Variants in SLIT2 observed in about 807,000 individuals in gnomAD.
The protein encoded by SLIT2 is slit homolog 2 protein.
In SLIT2, 41 loss-of-function variants were observed where a neutral mutation model predicts 185.7. The ratio of observed to expected loss-of-function variants is 0.22; its 90% CI spans 0.17 to 0.29. The LOEUF is 0.29. Among genes scored for constraint, SLIT2 ranks in the 10% least tolerant of loss-of-function variants. The pLI is 1.00. For synonymous variants in SLIT2, 693 were observed against 680.2 expected, an observed-to-expected ratio of 1.02 and a Z score of -0.29; for missense variants, 1,571 against 1,909.0, an observed-to-expected ratio of 0.82 and a Z score of 3.30.
chr4:20,552,226 T>C (rs1435359512), intron 25 of SLIT2, among the ~76,000 whole-genome samples: 1 of 152,154 alleles, frequency 6.6e-6, no homozygotes, highest in Non-Finnish European at 1.5e-5. Flanking sequence ...AGTGTTATGG[T>C]CAGGCATCAG....
In SLIT2 at chr4:20,481,491, A is replaced by AT. The variant is rs559739129; in HGVS notation, c.539+710dup. On this transcript the variant is annotated intron_variant, in intron 6 of 36. Transcript: ENST00000504154. ...TATATGCCGCCTATACATTTTTCGA[A>AT]TTTTTTCAGCCAAAATTCACATTTG... Among the ~76,000 whole-genome samples the AT allele has an allele frequency of 1.4e-3, 218 of 152,144 alleles. 2 individuals are homozygous for AT. Among genetic ancestry groups the AT allele is most frequent in the African/African-American group, 5.1e-3 (212 of 41,522 alleles).
intron 33 of SLIT2, among the ~76,000 whole-genome samples, chr4:20,608,862 G>A (rs2148977693): frequency 6.6e-6 from 1 of 152,216 alleles, no homozygotes; most frequent in South Asian, 2.1e-4. Flanking sequence ...TCACATTTAG[G>A]AATAATCTAT....
At chr4:20,454,520 A>AT (rs1410522964) in intron 4 of SLIT2, among the ~76,000 whole-genome samples, 3 of 152,188 alleles carry the variant, frequency 2.0e-5, no homozygotes, top group African/African-American at 7.2e-5. Flanking sequence ...GCAAATACTC[A>AT]TTTATCATTA....
chr4:20,426,840 C>A (rs547499373), intron 4 of SLIT2, among the ~76,000 whole-genome samples: 2 of 152,226 alleles, frequency 1.3e-5, no homozygotes, highest in Non-Finnish European at 2.9e-5. Flanking sequence ...CCCAAAACAA[C>A]TGTCTGGGGA....
intron 9 of SLIT2, among the ~76,000 whole-genome samples, chr4:20,500,911 C>T (rs1352062676): frequency 2.6e-5 from 4 of 152,092 alleles, no homozygotes; most frequent in Admixed American, 6.5e-5. Context: ...CTATCAAATA[C>T]AACTTGCCTA....
intron 4 of SLIT2, among the ~76,000 whole-genome samples, chr4:20,330,793 A>G (rs1719997957): frequency 6.6e-6 from 1 of 152,040 alleles, no homozygotes; most frequent in African/African-American, 2.4e-5. Flanking sequence ...TTAGAATTTA[A>G]GTGTCAAGTC....
rs138770037 is a variant in SLIT2, at chr4:20,338,029, C to T, written c.395+69148C>T. Among the ~76,000 whole-genome samples the T allele has an allele frequency of 9.2e-5, 14 of 152,234 alleles. No individual in the cohort carries two copies. In the East Asian group the frequency reaches 2.3e-3, roughly 25 times the overall value. ...GGAAGGAAACCTGAAAAATGTCACT[C>T]ATTTGAAAAGGGATGTTCATTTTTG... On this transcript the variant is annotated intron_variant, in intron 4 of 36. Coordinates refer to ENST00000504154, the MANE Select transcript of SLIT2 (RefSeq NM_004787.4).
chr4:20,480,691 T>C (rs754772778), intron 5 of SLIT2, 25 bp from the exon 6 acceptor site: 6 of 1,582,974 alleles, frequency 3.8e-6, no homozygotes, highest in Middle Eastern at 3.3e-4. Flanking sequence ...CCCTTCTACA[T>C]ATATTCTTCT....
intron 4 of SLIT2, among the ~76,000 whole-genome samples, chr4:20,426,073 G>A (rs1488430266): frequency 6.6e-6 from 1 of 152,148 alleles, no homozygotes; most frequent in Non-Finnish European, 1.5e-5. Flanking sequence ...CTTATAGACT[G>A]TGAGCTTCTT....
chr4:20,598,472 A>G lies in SLIT2; in HGVS notation c.3692+77A>G. 3 of 1,532,594 alleles carry G rather than the reference A, an allele frequency of 2.0e-6. No individual in the cohort carries two copies. The South Asian group carries it at 3.5e-5, about 18-fold the overall frequency. 94.9% of individuals were successfully genotyped at this position (1,532,594 alleles called of 1,614,324 possible). A position where few individuals can be genotyped will look rare whatever the true frequency, so the allele number is the denominator to read the frequency against. On this transcript the variant is annotated intron_variant, in intron 33 of 36. Coordinates refer to ENST00000504154, the MANE Select transcript of SLIT2 (RefSeq NM_004787.4). ...ACTGCTTCTCCTCTATCATTTTATT[A>G]TGGAGAGGAGAGAGACTAAGTTGGC... is the stretch of plus-strand genomic sequence containing the variant.
At chr4:20,563,102 A>T (rs562897150) in intron 26 of SLIT2, among the ~76,000 whole-genome samples, 49 of 151,862 alleles carry the variant, frequency 3.2e-4, no homozygotes, top group African/African-American at 1.0e-3. Flanking sequence ...TTAAAGATTA[A>T]AGTAACTGAC....
chr4:20,531,128 A>G (rs187300496), intron 16 of SLIT2, among the ~76,000 whole-genome samples: 17 of 152,284 alleles, frequency 1.1e-4, no homozygotes, highest in Non-Finnish European at 2.5e-4. Context: ...CCTCCTATGT[A>G]TATGTCCAAA....
intron 3 of SLIT2, among the ~76,000 whole-genome samples, chr4:20,263,036 A>T (rs1445834423): frequency 1.3e-5 from 2 of 151,726 alleles, no homozygotes; most frequent in Non-Finnish European, 2.9e-5. Context: ...CCTCCCCTGA[A>T]ATGAGTAGTT....
intron 30 of SLIT2, among the ~76,000 whole-genome samples, chr4:20,594,209 G>C (rs7683583): frequency 0.016 from 2,405 of 149,206 alleles, 55 homozygotes; most frequent in African/African-American, 0.056. Context: ...GTATGTATGT[G>C]TGTATATATG....
At chr4:20,328,228 C>T (rs190368491) in intron 4 of SLIT2, among the ~76,000 whole-genome samples, 2 of 152,030 alleles carry the variant, frequency 1.3e-5, no homozygotes, top group Admixed American at 6.6e-5. Flanking sequence ...AAGCTTCTTT[C>T]GTAGATAAGA....
rs201696831 is a variant in SLIT2 at position 20,464,839 on chromosome 4, A to AT, written c.396-2905dup. Among the ~76,000 whole-genome samples the AT allele has an allele frequency of 5.7e-3, 858 of 151,574 alleles. 7 individuals carry two copies. Among genetic ancestry groups the AT allele is most frequent in the African/African-American group, 0.02 (807 of 41,264 alleles). ...TTTCTTGCTTTTTTTGACTGTCAGTATTTTTTTTAATTCACTTTATTCATC... is the reference window on the plus strand; with the variant it reads ...TTTCTTGCTTTTTTTGACTGTCAGTATTTTTTTTTAATTCACTTTATTCATC... On this transcript the variant is annotated intron_variant, in intron 4 of 36. Coordinates refer to ENST00000504154, the MANE Select transcript of SLIT2 (RefSeq NM_004787.4).
intron 8 of SLIT2, among the ~76,000 whole-genome samples, chr4:20,491,362 A>G (rs1470728065): frequency 6.6e-6 from 1 of 152,202 alleles, no homozygotes; most frequent in Non-Finnish European, 1.5e-5. Context: ...TTACAAAGTA[A>G]ATAAAGCTGC....
intron 9 of SLIT2, among the ~76,000 whole-genome samples, chr4:20,500,150 T>C (rs1189104166): frequency 6.6e-6 from 1 of 152,240 alleles, no homozygotes; most frequent in African/African-American, 2.4e-5. Context: ...GAGTTTGCCT[T>C]GTTAAATAAC....
In SLIT2 at chr4:20,525,141, T is replaced by C; in HGVS notation, c.1439-8T>C. On this transcript the variant is annotated splice_polypyrimidine_tract_variant and splice_region_variant and intron_variant, in intron 14 of 36. Coordinates refer to ENST00000504154, the MANE Select transcript of SLIT2 (RefSeq NM_004787.4). Reference sequence around the variant, plus strand: ...CATCTTCTATTTTTTGTCTCTTTTTTTATTTAGCTAAAGAACAGTATTTCA... The same window carrying C: ...CATCTTCTATTTTTTGTCTCTTTTTCTATTTAGCTAAAGAACAGTATTTCA... The C allele has an allele frequency of 6.2e-7, 1 of 1,606,050 alleles. No individual in the cohort carries two copies. Among genetic ancestry groups the C allele is most frequent in the Non-Finnish European group, 8.5e-7 (1 of 1,172,958 alleles).
Sources: allele counts gnomAD v4.1 joint callset (sites outside exome capture counted in the v4.1 genomes callset), GRCh38; gene constraint gnomAD v4.1.1; transcripts MANE v1.5; gene names NCBI Gene and HGNC (gene_info 2026-07-23, HGNC 2026-07-21).